The following SLIT3 variants were observed in gnomAD, a reference collection of about 807,000 sequenced individuals.
The protein encoded by SLIT3 is slit homolog 3 protein.
A neutral mutation model predicts 184.0 loss-of-function variants in SLIT3; 68 were observed. That is an observed-to-expected ratio of 0.37 (90% CI 0.30 to 0.45). SLIT3 has a LOEUF of 0.45. SLIT3 is among the 20% of genes least tolerant of loss of function. SLIT3 has a pLI of 1.00. For missense variants in SLIT3, 1,707 were observed against 2,026.0 expected (o/e 0.84, Z 3.02); for synonymous variants, 831 against 828.6 (o/e 1.00, Z -0.05).
chr5:168,735,156 A>G (rs1763392807), intron 20 of SLIT3, among the ~76,000 whole-genome samples: 4 of 152,110 alleles, frequency 2.6e-5, no homozygotes, highest in South Asian at 2.1e-4. Flanking sequence ...CACCCTTTGC[A>G]TTTGGCCTGC....
intron 20 of SLIT3, among the ~76,000 whole-genome samples, chr5:168,738,485 C>T (rs1335205750): frequency 2.6e-5 from 4 of 152,138 alleles, no homozygotes; most frequent in Non-Finnish European, 1.5e-5. Context: ...GAGAAAAGTA[C>T]CTGTGTAATT....
intron 4 of SLIT3, among the ~76,000 whole-genome samples, chr5:168,944,087 A>G (rs987417330): frequency 8.5e-5 from 13 of 152,136 alleles, no homozygotes; most frequent in Non-Finnish European, 1.3e-4. Context: ...TTTATAATGA[A>G]CTTAATCCAG....
chr5:168,668,527 C>T (rs1170538375), intron 35 of SLIT3, among the ~76,000 whole-genome samples: 7 of 152,222 alleles, frequency 4.6e-5, no homozygotes, highest in African/African-American at 9.6e-5. Context: ...CCATTTTCTA[C>T]ACTTGTTTCA....
chr5:169,062,530 G>A (rs967224426), intron 4 of SLIT3, among the ~76,000 whole-genome samples: 17 of 152,162 alleles, frequency 1.1e-4, no homozygotes, highest in Non-Finnish European at 1.8e-4. Flanking sequence ...CTCACTCACT[G>A]TGCTCCAGGT....
At chr5:168,957,246 A>T (rs900720369) in intron 4 of SLIT3, among the ~76,000 whole-genome samples, 1 of 150,774 alleles carries the variant, frequency 6.6e-6, no homozygotes, top group Non-Finnish European at 1.5e-5. Context: ...AAAAAAAAAA[A>T]TAGAGGTGGG....
intron 10 of SLIT3, among the ~76,000 whole-genome samples, chr5:168,793,070 C>T (rs1028804189): frequency 3.9e-5 from 6 of 152,156 alleles, no homozygotes; most frequent in Non-Finnish European, 8.8e-5. Context: ...ATATTCCAAA[C>T]TTTGAAAAAT....
intron 1 of SLIT3, among the ~76,000 whole-genome samples, chr5:169,286,994 T>C (rs1767169361): frequency 6.6e-6 from 1 of 152,102 alleles, no homozygotes; most frequent in Non-Finnish European, 1.5e-5. Flanking sequence ...CTTTGCAAAA[T>C]TTCTAGAATG....
chr5:168,759,652 G>A (rs1414088812), intron 16 of SLIT3, among the ~76,000 whole-genome samples: 2 of 152,212 alleles, frequency 1.3e-5, no homozygotes, highest in Non-Finnish European at 2.9e-5. Context: ...GACCCCAGCT[G>A]AGAACGTGGG....
chr5:169,261,922 C>T (rs537354894), intron 1 of SLIT3, among the ~76,000 whole-genome samples: 113 of 152,320 alleles, frequency 7.4e-4, no homozygotes, highest in African/African-American at 2.5e-3. Context: ...GGCCCACATG[C>T]CAAGGAACTG....
At position 168,667,084 on chromosome 5, in the gene SLIT3, G is replaced by T. The variant is rs180995250; in HGVS notation, c.4337-395C>A. ...AAATGTCAACATTCAAAAAGCAGGA[G>T]ATTTCACCTGAAAATCTGGATTTCT... On this transcript the variant is annotated intron_variant, in intron 35 of 35. Transcript: ENST00000519560. 5.3e-5 allele frequency among the ~76,000 whole-genome samples: 8 copies of T among 152,276 alleles called. 1 individual carries two copies. The highest frequency in any genetic ancestry group is 3.3e-4 in the Admixed American group (5 of 15,300).
intron 4 of SLIT3, among the ~76,000 whole-genome samples, chr5:169,083,800 G>T (rs1581390850): frequency 6.6e-6 from 1 of 152,080 alleles, no homozygotes; most frequent in South Asian, 2.1e-4. Context: ...CAGCACCCCA[G>T]GGGGTGACCT....
chr5:168,820,121 C>T (rs1757474903), intron 7 of SLIT3, among the ~76,000 whole-genome samples: 1 of 152,114 alleles, frequency 6.6e-6, no homozygotes, highest in Admixed American at 6.5e-5. Context: ...AGAGCTTAGG[C>T]ACTGTCAGGG....
At chr5:168,709,162 A>G (rs1762469925) in intron 25 of SLIT3, among the ~76,000 whole-genome samples, 1 of 149,260 alleles carries the variant, frequency 6.7e-6, no homozygotes, top group Non-Finnish European at 1.5e-5. Context: ...GTGGTGGTGC[A>G]ATTTCGGCTC....
chr5:168,991,852 G>T (rs12187929), intron 4 of SLIT3, among the ~76,000 whole-genome samples: 2 of 152,012 alleles, frequency 1.3e-5, no homozygotes, highest in African/African-American at 4.8e-5. Flanking sequence ...CCCTCTTGAC[G>T]CCCAATTCCC....
intron 4 of SLIT3, among the ~76,000 whole-genome samples, chr5:168,910,694 C>T (rs1259421491): frequency 6.7e-6 from 1 of 149,472 alleles, no homozygotes; most frequent in Admixed American, 6.7e-5. Context: ...TGCAGTGAGC[C>T]GAGATGGCAC....
chr5:169,222,246 C>A (rs1281619616), intron 3 of SLIT3, among the ~76,000 whole-genome samples: 2 of 152,106 alleles, frequency 1.3e-5, no homozygotes, highest in Non-Finnish European at 2.9e-5. Context: ...TCTGCTATAT[C>A]TTTGTCCTAA....
At chr5:168,737,910 G>A (rs548354980) in intron 20 of SLIT3, among the ~76,000 whole-genome samples, 5 of 152,318 alleles carry the variant, frequency 3.3e-5, no homozygotes, top group Non-Finnish European at 5.9e-5. Flanking sequence ...CTTTCTGAAG[G>A]CAGTGAGGCC....
intron 4 of SLIT3, among the ~76,000 whole-genome samples, chr5:169,025,857 T>G (rs1197942439): frequency 3.9e-5 from 6 of 152,194 alleles, no homozygotes; most frequent in African/African-American, 4.8e-5. Context: ...GCCTGCACTT[T>G]GTATTATCTG....
At chr5:168,755,271 T>C (rs1416251360) in intron 16 of SLIT3, among the ~76,000 whole-genome samples, 1 of 152,184 alleles carries the variant, frequency 6.6e-6, no homozygotes, top group Non-Finnish European at 1.5e-5. Context: ...TTGAACCTCT[T>C]CTTTCATAAG....
Sources: gnomAD v4.1 joint callset for allele counts (sites outside exome capture counted in the v4.1 genomes callset) on GRCh38, gnomAD v4.1.1 for gene constraint, MANE v1.5 for transcripts, NCBI Gene and HGNC (gene_info 2026-07-23, HGNC 2026-07-21) for gene names.